Variants in CSMD3 observed in about 807,000 individuals in gnomAD.
CSMD3 encodes the protein CUB and sushi domain-containing protein 3.
CSMD3 carries 177 observed loss-of-function variants against 435.2 expected under a neutral mutation model. That is an observed-to-expected ratio of 0.41 (90% CI 0.36 to 0.46). CSMD3 has a LOEUF of 0.46. Among genes scored for constraint, CSMD3 ranks in the 20% least tolerant of loss-of-function variants. The pLI is 0.34. For missense variants in CSMD3, 4,265 were observed against 4,504.6 expected (o/e 0.95, Z 1.52); for synonymous variants, 1,656 against 1,520.5 (o/e 1.09, Z -2.07).
chr8:113,086,396 G>T (rs962691222), intron 5 of CSMD3, among the ~76,000 whole-genome samples: 1 of 152,030 alleles, frequency 6.6e-6, no homozygotes, highest in Non-Finnish European at 1.5e-5. Flanking sequence ...ATTCCAATAG[G>T]TTATAAATTG....
intron 6 of CSMD3, among the ~76,000 whole-genome samples, chr8:112,991,175 TTAAA>T (rs1381420094): frequency 6.6e-6 from 1 of 151,658 alleles, no homozygotes; most frequent in African/African-American, 2.4e-5. Context: ...GTTTGCTGAA[TTAAA>T]TATATATATA....
At chr8:113,303,655 A>C (rs2093793191) in intron 2 of CSMD3, among the ~76,000 whole-genome samples, 1 of 137,368 alleles carries the variant, frequency 7.3e-6, no homozygotes, top group Admixed American at 7.8e-5. Context: ...AAAACAAGCA[A>C]TGGGGAAAGG....
chr8:113,162,571 C>CA (rs753811903), intron 4 of CSMD3, among the ~76,000 whole-genome samples: 2,529 of 59,568 alleles, frequency 0.042, 48 homozygotes, highest in African/African-American at 0.1. Context: ...GTCCCCACAT[C>CA]AAAAAAAAAA....
intron 17 of CSMD3, 101 bp from the exon 18 acceptor site, chr8:112,656,442 A>C: frequency 1.2e-6 from 1 of 806,714 alleles, no homozygotes; most frequent in Non-Finnish European, 1.9e-6. Flanking sequence ...AAATTTTTCC[A>C]TTTTATATTA....
chr8:113,116,467 C>T (rs1447330180), intron 4 of CSMD3, among the ~76,000 whole-genome samples: 1 of 152,122 alleles, frequency 6.6e-6, no homozygotes, highest in African/African-American at 2.4e-5. Context: ...TAAATTAAAC[C>T]TCTTTCCTTT....
rs771934884 is a variant in CSMD3, at chr8:112,380,447, ATTG to A, written c.6038_6040del (p.Thr2013del). 3.2e-6 allele frequency: 5 copies of A among 1,547,850 alleles called. No individual in the cohort carries two copies. The South Asian group carries it at 3.3e-5, about 10-fold the overall frequency. Reference sequence around the variant, plus strand: ...AGACGTACTATTCAAAAGATGGGGTATTGTTGTTCCTGAAATGATATATGAGAA... The same window carrying A: ...AGACGTACTATTCAAAAGATGGGGTATTGTTCCTGAAATGATATATGAGAA... On this transcript the variant is annotated inframe_deletion, in exon 38 of 71. Transcript: ENST00000297405.
At chr8:113,358,709 G>A (rs1473908736) in intron 1 of CSMD3, among the ~76,000 whole-genome samples, 1 of 152,158 alleles carries the variant, frequency 6.6e-6, no homozygotes, top group South Asian at 2.1e-4. Context: ...GATTAATGAT[G>A]GCAATTTCGT....
At chr8:112,309,858 C>T (rs73704004) in intron 50 of CSMD3, among the ~76,000 whole-genome samples, 46 of 152,104 alleles carry the variant, frequency 3.0e-4, no homozygotes, top group African/African-American at 9.9e-4. Flanking sequence ...CTAATTTTAA[C>T]TTATTATTGG....
chr8:112,671,697 G>A (rs1231683824), intron 16 of CSMD3, among the ~76,000 whole-genome samples: 4 of 152,092 alleles, frequency 2.6e-5, no homozygotes, highest in Non-Finnish European at 4.4e-5. Flanking sequence ...CGGCAGAGCT[G>A]AGACTCAAAT....
At chr8:112,435,843 C>A (rs1010530504) in intron 32 of CSMD3, among the ~76,000 whole-genome samples, 3 of 151,892 alleles carry the variant, frequency 2.0e-5, no homozygotes, top group Non-Finnish European at 4.4e-5. Flanking sequence ...GTTGTCACTG[C>A]TAATTGGTAG....
chr8:112,594,909 T>A (rs1366856722), intron 22 of CSMD3, among the ~76,000 whole-genome samples: 1 of 151,104 alleles, frequency 6.6e-6, no homozygotes, highest in East Asian at 2.0e-4. Flanking sequence ...ACCACAAAGA[T>A]GGGGAAAAAA....
At position 112,646,878 on chromosome 8, in the gene CSMD3, T is replaced by G. The variant is rs953909473; in HGVS notation, c.3194-1653A>C. Reference sequence around the variant, plus strand: ...ACTAAAAACATGAAGACATAAATTTTATTTTATATCTAATAAAACAGGATA... The same window carrying G: ...ACTAAAAACATGAAGACATAAATTTGATTTTATATCTAATAAAACAGGATA... On this transcript the variant is annotated intron_variant, in intron 19 of 70. Transcript: ENST00000297405. Among the ~76,000 whole-genome samples the G allele has an allele frequency of 3.3e-5, 5 of 152,196 alleles. 1 individual carries two copies. Among genetic ancestry groups the G allele is most frequent in the Admixed American group, 3.3e-4 (5 of 15,268 alleles).
At chr8:113,317,446 C>T (rs945492010) in intron 1 of CSMD3, among the ~76,000 whole-genome samples, 1 of 152,126 alleles carries the variant, frequency 6.6e-6, no homozygotes, top group Non-Finnish European at 1.5e-5. Context: ...TCAGCTTTGT[C>T]CACTCATTCT....
chr8:112,715,092 T>G (rs933586425), intron 13 of CSMD3, among the ~76,000 whole-genome samples: 3 of 151,704 alleles, frequency 2.0e-5, no homozygotes, highest in Non-Finnish European at 1.5e-5. Context: ...TTGAAGGAGA[T>G]AGAGGCACAA....
chr8:112,572,002 T>C (rs1829564538), intron 24 of CSMD3, among the ~76,000 whole-genome samples: 1 of 151,762 alleles, frequency 6.6e-6, no homozygotes, highest in East Asian at 1.9e-4. Context: ...GTGGCCCTTT[T>C]AGAAAACAGA....
Position 112,409,037 on chromosome 8 carries a change from T to C in CSMD3, c.5396-5A>G. On this transcript the variant is annotated splice_polypyrimidine_tract_variant and splice_region_variant and intron_variant, in intron 32 of 70. Transcript: ENST00000297405. ...ATACAAACTGGCCAAACACCACTGA[T>C]CAACAGGAACCCGGAGAAGCAAACA... 1 of 1,612,846 alleles carries C rather than the reference T, an allele frequency of 6.2e-7. No homozygotes were observed.
At position 113,284,122 on chromosome 8, in the gene CSMD3, A is replaced by G. The variant is rs573627321; in HGVS notation, c.402-5418T>C. Among the ~76,000 whole-genome samples the G allele has an allele frequency of 8.5e-5, 13 of 152,194 alleles. No homozygotes were observed. The South Asian group carries it at 2.7e-3, about 32-fold the overall frequency. ...GGGCACGGGATAAAAGAACACAGATATAGTACAGTATATACTGCTTAAGTG... is the reference window on the plus strand; with the variant it reads ...GGGCACGGGATAAAAGAACACAGATGTAGTACAGTATATACTGCTTAAGTG... On this transcript the variant is annotated intron_variant, in intron 2 of 70. Transcript: ENST00000297405.
chr8:112,483,229 G>A (rs367996907), intron 31 of CSMD3, among the ~76,000 whole-genome samples: 39 of 152,196 alleles, frequency 2.6e-4, no homozygotes, highest in Non-Finnish European at 3.8e-4. Context: ...GGTGGCTCAC[G>A]CACATAATCC....
intron 13 of CSMD3, among the ~76,000 whole-genome samples, chr8:112,788,141 A>G (rs374900228): frequency 1.9e-4 from 29 of 152,232 alleles, no homozygotes; most frequent in African/African-American, 6.3e-4. Flanking sequence ...TTCAGCTCCA[A>G]TGTTCTATGA....
Sources: allele counts gnomAD v4.1 joint callset (sites outside exome capture counted in the v4.1 genomes callset), GRCh38; gene constraint gnomAD v4.1.1; transcripts MANE v1.5; gene names NCBI Gene and HGNC (gene_info 2026-07-23, HGNC 2026-07-21).